The following CAP2 variants were observed in gnomAD, a reference collection of about 807,000 sequenced individuals.
CAP2 encodes cyclase associated actin cytoskeleton regulatory protein 2, also known as adenylyl cyclase-associated protein 2.
In CAP2, 24 loss-of-function variants were observed where a neutral mutation model predicts 57.7. That is an observed-to-expected ratio of 0.42 (90% confidence interval 0.30 to 0.58). The LOEUF (loss-of-function observed/expected upper bound fraction) is 0.58. Ranked by LOEUF, CAP2 falls within the 20% of genes least tolerant of loss-of-function variation. CAP2 has a pLI of 0.22. For synonymous variants in CAP2, 194 were observed against 207.2 expected (o/e 0.94, Z 0.55); for missense variants, 501 against 590.3 (o/e 0.85, Z 1.57).
At chr6:17,459,943 CA>C (rs1252332799) in intron 3 of CAP2, among the ~76,000 whole-genome samples, 1 of 152,058 alleles carries the variant, frequency 6.6e-6, no homozygotes, top group Non-Finnish European at 1.5e-5. Context: ...ACAGAAGAGA[CA>C]CTGAAAGATG....
intron 1 of CAP2, among the ~76,000 whole-genome samples, chr6:17,413,588 A>C (rs1033461903): frequency 6.6e-6 from 1 of 152,190 alleles, no homozygotes; most frequent in Non-Finnish European, 1.5e-5. Context: ...GAATGAAACA[A>C]ACATATTCAA....
intron 7 of CAP2, among the ~76,000 whole-genome samples, chr6:17,533,595 A>G: frequency 6.9e-6 from 1 of 145,108 alleles, no homozygotes; most frequent in Non-Finnish European, 1.5e-5. Flanking sequence ...TTTGAAATGG[A>G]GTCTCCCTCT....
intron 6 of CAP2, among the ~76,000 whole-genome samples, chr6:17,509,274 G>C (rs1762079747): frequency 1.3e-5 from 2 of 151,434 alleles, no homozygotes; most frequent in Middle Eastern, 3.2e-3. Flanking sequence ...ATATTGAGTA[G>C]ATACAAAAGA....
chr6:17,458,845 A>G (rs975731761), intron 3 of CAP2, among the ~76,000 whole-genome samples: 1 of 151,876 alleles, frequency 6.6e-6, no homozygotes, highest in Non-Finnish European at 1.5e-5. Flanking sequence ...TCATGACCAA[A>G]TAAAACCGAA....
intron 3 of CAP2, among the ~76,000 whole-genome samples, chr6:17,453,608 A>C (rs559277731): frequency 6.6e-6 from 1 of 152,352 alleles, no homozygotes; most frequent in East Asian, 1.9e-4. Context: ...GGCTCAGCAG[A>C]GGATACAGAA....
chr6:17,507,295 C>T lies in CAP2; in HGVS notation c.427C>T (p.Leu143Phe), dbSNP rs1581579492. The change falls in exon 5 of 13, where the codon CTT becomes TTT. Residue 143 changes from leucine to phenylalanine, a missense_variant. Transcript: ENST00000229922. ...LSAVSESIPA[L>F]GWIAVSPKPG... ...GGCCGTCAGCGAAAGCATCCCTGCC[C>T]TTGGATGGATAGCTGTGGTGAGTCC... 1 of 1,614,044 alleles carries T rather than the reference C, an allele frequency of 6.2e-7. No homozygotes were observed. Among genetic ancestry groups the T allele is most frequent in the Non-Finnish European group, 8.5e-7 (1 of 1,180,014 alleles).
intron 4 of CAP2, among the ~76,000 whole-genome samples, chr6:17,484,795 A>G (rs1028772104): frequency 6.6e-6 from 1 of 152,200 alleles, no homozygotes; most frequent in South Asian, 2.1e-4. Flanking sequence ...TTTTGAGACC[A>G]TTCGGCAGCT....
chr6:17,481,084 C>T (rs1761278532), intron 4 of CAP2, among the ~76,000 whole-genome samples: 1 of 151,410 alleles, frequency 6.6e-6, no homozygotes, highest in Non-Finnish European at 1.5e-5. Flanking sequence ...AGCCACTGCA[C>T]CCAGCATAAA....
intron 1 of CAP2, among the ~76,000 whole-genome samples, chr6:17,404,795 A>G (rs1345781296): frequency 1.3e-5 from 2 of 151,938 alleles, no homozygotes; most frequent in Admixed American, 1.3e-4. Flanking sequence ...AAAAATTAAA[A>G]GTCTAAGTAC....
At chr6:17,530,904 CT>C in intron 7 of CAP2, 1 of 1,389,264 alleles carries the variant, frequency 7.2e-7, no homozygotes, top group South Asian at 1.2e-5. Flanking sequence ...TTAGTTCATT[CT>C]TCTAATAAGC....
chr6:17,527,562 T>C (rs1348933168), intron 7 of CAP2, among the ~76,000 whole-genome samples: 1 of 151,816 alleles, frequency 6.6e-6, no homozygotes, highest in Non-Finnish European at 1.5e-5. Context: ...TATTAGATTG[T>C]GTTCATTATA....
At chr6:17,397,595 C>T (rs1046273906) in intron 1 of CAP2, among the ~76,000 whole-genome samples, 18 of 148,994 alleles carry the variant, frequency 1.2e-4, no homozygotes, top group African/African-American at 3.7e-4. Context: ...CTCGGGAGGC[C>T]GAGGCAGGAG....
At position 17,513,028 on chromosome 6, in the gene CAP2, C is replaced by T. The variant is rs1762193983; in HGVS notation, c.531-821C>T. Among the ~76,000 whole-genome samples, 1 of 152,104 alleles carries T rather than the reference C, an allele frequency of 6.6e-6. No individual in the cohort carries two copies. The highest frequency in any genetic ancestry group is 6.6e-5 in the Admixed American group (1 of 15,260). ...GTCATTATTTTTGCATTTACCTTGA[C>T]TTCTATAAGTGAGAAAAAATATATT... On this transcript the variant is annotated intron_variant, in intron 6 of 12. Coordinates refer to ENST00000229922, the MANE Select transcript of CAP2 (RefSeq NM_006366.3). This position sits in a 1 kb window ranked among gnomAD's most constrained non-coding sequence, Gnocchi z 4.3.
intron 1 of CAP2, among the ~76,000 whole-genome samples, chr6:17,410,319 C>G (rs540440260): frequency 6.6e-6 from 1 of 152,148 alleles, no homozygotes; most frequent in East Asian, 1.9e-4. Flanking sequence ...CTGGGAATAC[C>G]CAGAACTACT....
chr6:17,488,991 G>A (rs922726884), intron 4 of CAP2, among the ~76,000 whole-genome samples: 1 of 152,158 alleles, frequency 6.6e-6, no homozygotes, highest in African/African-American at 2.4e-5. Flanking sequence ...AGGGGTCTGT[G>A]CTGGCAGGAC....
At chr6:17,413,779 C>T (rs566835452) in intron 1 of CAP2, among the ~76,000 whole-genome samples, 6 of 152,146 alleles carry the variant, frequency 3.9e-5, no homozygotes, top group East Asian at 3.8e-4. Flanking sequence ...ATTGGCCAGA[C>T]GCAGTGGCTC....
intron 7 of CAP2, among the ~76,000 whole-genome samples, chr6:17,529,053 A>C (rs1373320213): frequency 1.1e-5 from 1 of 89,144 alleles, no homozygotes; most frequent in Non-Finnish European, 2.1e-5. Context: ...CCATCTCTAC[A>C]AAAAAAAAAT....
chr6:17,513,942 A>G lies in CAP2; in HGVS notation c.624A>G (p.Thr208=), dbSNP rs1254919367. 7.5e-6 allele frequency: 12 copies of G among 1,608,152 alleles called. No homozygotes were observed. The highest frequency in any genetic ancestry group is 1.1e-5 in the South Asian group (1 of 90,962). Residue 208 remains threonine, a synonymous_variant, in exon 7 of 13, where the codon ACA becomes ACG. Transcript: ENST00000229922. The surrounding 1 kb of genome is among the most constrained non-coding windows in gnomAD (Gnocchi z 4.3). ...AGGAACACCACACCACGGGCCTCAC[A>G]TGGAGCAAAACAGTGAGTACGAGGC... The part of the protein sequence containing the change: ...YIKEHHTTGL[T]WSKTGPVAST...
At chr6:17,424,547 T>G (rs1345456879) in intron 2 of CAP2, among the ~76,000 whole-genome samples, 1 of 152,172 alleles carries the variant, frequency 6.6e-6, no homozygotes, top group African/African-American at 2.4e-5. Context: ...ATCACTTAAG[T>G]TGCGCTCAAC....
Sources: gnomAD v4.1 joint callset for allele counts (sites outside exome capture counted in the v4.1 genomes callset) on GRCh38, gnomAD v4.1.1 for gene constraint, Gnocchi (gnomAD v3.1) non-coding constraint, MANE v1.5 for transcripts, NCBI Gene and HGNC (gene_info 2026-07-23, HGNC 2026-07-21) for gene names.